CCDC30: variants seen among roughly 807,000 people sequenced by gnomAD.
The protein encoded by CCDC30 is coiled-coil domain containing 30.
In CCDC30, 70 loss-of-function variants were observed where a neutral mutation model predicts 100.2. The observed-to-expected ratio is 0.70, with a 90% CI of 0.58 to 0.85. The LOEUF is 0.85. Among genes scored for constraint, CCDC30 ranks in the 40% least tolerant of loss-of-function variants. CCDC30 has a pLI of 0.00. For synonymous variants in CCDC30, 233 were observed against 269.5 expected (o/e 0.86, Z 1.33); for missense variants, 652 against 771.2 (o/e 0.85, Z 1.83).
At position 42,481,356 on chromosome 1, in the gene CCDC30, G is replaced by A. The variant is rs1385950188; in HGVS notation, c.15+790G>A. 4.6e-5 allele frequency among the ~76,000 whole-genome samples: 7 copies of A among 151,632 alleles called. No individual in the cohort carries two copies. In the East Asian group the frequency reaches 1.2e-3, roughly 25 times the overall value. ...TTTGGGAGGCCAAGGCAGACAGATCGCCTGAGGTCAGGAGTTCAAGACCTG... is the reference window on the plus strand; with the variant it reads ...TTTGGGAGGCCAAGGCAGACAGATCACCTGAGGTCAGGAGTTCAAGACCTG... On this transcript the variant is annotated intron_variant, in intron 2 of 16. Coordinates refer to ENST00000668663, the Ensembl canonical transcript of CCDC30.
chr1:42,521,879 G>C (rs749936800), intron 6 of CCDC30, among the ~76,000 whole-genome samples: 38 of 151,744 alleles, frequency 2.5e-4, no homozygotes, highest in Non-Finnish European at 4.7e-4. Flanking sequence ...TAATTTCCCT[G>C]TTCTAATTTG....
intron 12 of CCDC30, among the ~76,000 whole-genome samples, chr1:42,638,682 T>C (rs1451968530): frequency 1.3e-5 from 2 of 152,010 alleles, no homozygotes; most frequent in Non-Finnish European, 2.9e-5. Flanking sequence ...GAGACTAGCC[T>C]GGCCAACATG....
chr1:42,502,831 GT>G (rs1644341614), intron 6 of CCDC30, among the ~76,000 whole-genome samples: 1 of 152,142 alleles, frequency 6.6e-6, no homozygotes, highest in Non-Finnish European at 1.5e-5. Flanking sequence ...TTAGCATAAT[GT>G]TTTCAAAGTT....
At chr1:42,647,458 A>G (rs1236808129) in intron 15 of CCDC30, among the ~76,000 whole-genome samples, 1 of 152,228 alleles carries the variant, frequency 6.6e-6, no homozygotes, top group Non-Finnish European at 1.5e-5. Flanking sequence ...TAATAGACCT[A>G]AAGTGAGATA....
intron 6 of CCDC30, among the ~76,000 whole-genome samples, chr1:42,518,893 C>A (rs1209201657): frequency 6.6e-6 from 1 of 152,132 alleles, no homozygotes; most frequent in Non-Finnish European, 1.5e-5. Flanking sequence ...GTCTTTCCAC[C>A]ATTGAGTATA....
At chr1:42,537,165 G>A (rs1368118658) in intron 6 of CCDC30, 2 of 455,736 alleles carry the variant, frequency 4.4e-6, no homozygotes, top group Non-Finnish European at 8.8e-6. Flanking sequence ...TTATTTAGCA[G>A]ACGTTTGATT....
At chr1:42,622,009 TATTC>T (rs1252939561) in intron 11 of CCDC30, among the ~76,000 whole-genome samples, 3 of 152,186 alleles carry the variant, frequency 2.0e-5, no homozygotes, top group Admixed American at 2.0e-4. Flanking sequence ...ACTATAGTCT[TATTC>T]ATTCTTTATT....
chr1:42,482,298 A>C (rs1643972835), intron 2 of CCDC30, among the ~76,000 whole-genome samples: 1 of 152,164 alleles, frequency 6.6e-6, no homozygotes, highest in Non-Finnish European at 1.5e-5. Context: ...ATAATGTTAA[A>C]TTTAAAAAGC....
At chr1:42,629,900 C>T (rs183853249) in intron 11 of CCDC30, among the ~76,000 whole-genome samples, 23 of 151,896 alleles carry the variant, frequency 1.5e-4, no homozygotes, top group African/African-American at 3.6e-4. Flanking sequence ...GGGCGTGAGC[C>T]GCTGCATGGG....
chr1:42,576,160 T>C lies in CCDC30; in HGVS notation c.637-860T>C, dbSNP rs573619669. ...TTTAAAAGAAAATTTGGCCACAGCA[T>C]TAGAGGATAGATTAGAAAAGAGTAA... On this transcript the variant is annotated intron_variant, in intron 7 of 16. Coordinates refer to ENST00000668663, the Ensembl canonical transcript of CCDC30. Among the ~76,000 whole-genome samples, 13 of 152,232 alleles carry C rather than the reference T, an allele frequency of 8.5e-5. 1 individual carries two copies. Among genetic ancestry groups the C allele is most frequent in the African/African-American group, 2.9e-4 (12 of 41,532 alleles).
At position 42,532,261 on chromosome 1, in the gene CCDC30, C is replaced by G. The variant is rs148668219; in HGVS notation, c.456+33345C>G. ...ACATCAGTCAGAGAAATCTCCACTT[C>G]TGGGAACTCTGTAAAGGGCTTTTCC... On this transcript the variant is annotated intron_variant, in intron 6 of 16. Coordinates refer to ENST00000668663, the Ensembl canonical transcript of CCDC30. Among the ~76,000 whole-genome samples, 604 of 152,268 alleles carry G rather than the reference C, an allele frequency of 4.0e-3. 3 individuals are homozygous for G. Among genetic ancestry groups the G allele is most frequent in the African/African-American group, 0.014 (576 of 41,558 alleles).
chr1:42,503,208 G>C lies in CCDC30; in HGVS notation c.456+4292G>C, dbSNP rs1644347074. Among the ~76,000 whole-genome samples the C allele has an allele frequency of 2.6e-5, 4 of 152,152 alleles. No individual in the cohort carries two copies. The South Asian group carries it at 8.3e-4, about 32-fold the overall frequency. On this transcript the variant is annotated intron_variant, in intron 6 of 16. Transcript: ENST00000668663. ...CCTTAGTGAAGTGGCATTGTTGTCA[G>C]GGGTAAATACCTGGGGTTCGTCATC...
intron 16 of CCDC30, 36 bp downstream of exon 20, chr1:42,653,479 C>G: frequency 7.7e-7 from 1 of 1,304,156 alleles, no homozygotes; most frequent in African/African-American, 1.5e-5. Context: ...TCAAGTCTAT[C>G]TGAGATGGAC....
At chr1:42,607,348 G>T (rs532295283) in intron 10 of CCDC30, among the ~76,000 whole-genome samples, 1 of 152,136 alleles carries the variant, frequency 6.6e-6, no homozygotes, top group Non-Finnish European at 1.5e-5. Context: ...AAGAGGTTTA[G>T]CTTTAAAAAT....
At chr1:42,493,647 C>T (rs993154083) in intron 4 of CCDC30, among the ~76,000 whole-genome samples, 5 of 151,910 alleles carry the variant, frequency 3.3e-5, no homozygotes, top group Non-Finnish European at 7.4e-5. Context: ...ATCAGTGGAA[C>T]CAAGAGCTGC....
At chr1:42,603,768 C>G (rs1267627209) in intron 10 of CCDC30, among the ~76,000 whole-genome samples, 1 of 152,194 alleles carries the variant, frequency 6.6e-6, no homozygotes, top group Non-Finnish European at 1.5e-5. Context: ...AGAAACCATG[C>G]TCCTTGGTAT....
At chr1:42,636,449 T>A (rs761452384) in intron 11 of CCDC30, among the ~76,000 whole-genome samples, 7 of 151,838 alleles carry the variant, frequency 4.6e-5, no homozygotes, top group South Asian at 2.1e-4. Flanking sequence ...ATGCAAGGAC[T>A]GAGAACAGGC....
intron 6 of CCDC30, among the ~76,000 whole-genome samples, chr1:42,514,323 T>C (rs1481532942): frequency 2.0e-5 from 3 of 152,216 alleles, no homozygotes; most frequent in Non-Finnish European, 2.9e-5. Flanking sequence ...ACTACCAGAC[T>C]GTTTTCCAAT....
intron 11 of CCDC30, among the ~76,000 whole-genome samples, chr1:42,612,455 C>T (rs1359476996): frequency 1.3e-5 from 2 of 152,186 alleles, no homozygotes; most frequent in Admixed American, 1.3e-4. Context: ...GCACTTCCTC[C>T]CTCAGATCAG....
Sources: allele counts gnomAD v4.1 joint callset (sites outside exome capture counted in the v4.1 genomes callset), GRCh38; gene constraint gnomAD v4.1.1; transcripts MANE v1.5; gene names NCBI Gene and HGNC (gene_info 2026-07-23, HGNC 2026-07-21).